NXN: variants seen among roughly 807,000 people sequenced by gnomAD.
The protein encoded by NXN is nucleoredoxin, also known as nucleoredoxin 1.
NXN carries 16 observed loss-of-function variants against 48.6 expected under a neutral mutation model. The ratio of observed to expected loss-of-function variants is 0.33; its 90% CI spans 0.22 to 0.50. The LOEUF (loss-of-function observed/expected upper bound fraction) is 0.50, where lower values mean the gene tolerates loss of function less well. Ranked by LOEUF, NXN falls within the 20% of genes least tolerant of loss-of-function variation. NXN has a pLI of 0.98. For synonymous variants in NXN, 281 were observed against 269.6 expected (o/e 1.04, Z -0.41); for missense variants, 492 against 605.5 (o/e 0.81, Z 1.97).
At chr17:884,776 C>T (rs1053623196) in intron 1 of NXN, among the ~76,000 whole-genome samples, 3 of 152,180 alleles carry the variant, frequency 2.0e-5, no homozygotes, top group African/African-American at 4.8e-5. Context: ...ATAAGCTAAA[C>T]GGAGCTGAAG....
intron 5 of NXN, among the ~76,000 whole-genome samples, chr17:808,487 G>A (rs1488810383): frequency 2.0e-5 from 3 of 151,856 alleles, no homozygotes. Context: ...TAGAAACGGG[G>A]TTTCCCCATG....
chr17:950,941 TCTTGA>T (rs1357366806), intron 1 of NXN, among the ~76,000 whole-genome samples: 3 of 72,608 alleles, frequency 4.1e-5, no homozygotes, highest in African/African-American at 7.4e-5. Context: ...TGCTGTCAAC[TCTTGA>T]CTTTCTGGAA....
chr17:955,698 C>T (rs2069159627), intron 1 of NXN, among the ~76,000 whole-genome samples: 1 of 151,110 alleles, frequency 6.6e-6, no homozygotes, highest in African/African-American at 2.4e-5. Flanking sequence ...AGATTGAGAC[C>T]ATCCTGGCTA....
Position 809,881 on chromosome 17 carries a change from C to T in NXN, c.821-4634G>A, listed in dbSNP as rs113162527. 3.3e-5 allele frequency among the ~76,000 whole-genome samples: 5 copies of T among 150,736 alleles called. 1 individual carries two copies. The highest frequency in any genetic ancestry group is 7.4e-5 in the Non-Finnish European group (5 of 67,610). ...GCACCTTACGAGTCAGTGTGAGTGG[C>T]GTGTACGTTAAGAGTCCCTGTGAGT... On this transcript the variant is annotated intron_variant, in intron 5 of 7. Coordinates refer to ENST00000336868, the MANE Select transcript of NXN (RefSeq NM_022463.5).
intron 1 of NXN, among the ~76,000 whole-genome samples, chr17:944,436 A>C (rs1407643131): frequency 6.6e-6 from 1 of 152,148 alleles, no homozygotes; most frequent in African/African-American, 2.4e-5. Flanking sequence ...ACTGCCTCCA[A>C]CTGGAGCTGT....
intron 1 of NXN, among the ~76,000 whole-genome samples, chr17:953,570 G>A (rs2069135994): frequency 6.6e-6 from 1 of 152,170 alleles, no homozygotes; most frequent in Non-Finnish European, 1.5e-5. Context: ...GGATTCTCCA[G>A]CCAGGCCCAA....
chr17:914,987 T>A (rs951764836), intron 1 of NXN, among the ~76,000 whole-genome samples: 1 of 151,698 alleles, frequency 6.6e-6, no homozygotes, highest in Non-Finnish European at 1.5e-5. Context: ...CAGGCTGGAG[T>A]GCAGTGGTGC....
At chr17:944,416 C>G (rs1597263038) in intron 1 of NXN, among the ~76,000 whole-genome samples, 1 of 152,208 alleles carries the variant, frequency 6.6e-6, no homozygotes, top group Non-Finnish European at 1.5e-5. Context: ...GTCCGTACCC[C>G]CGTCCGAGGA....
chr17:936,059 T>C (rs1289943870), intron 1 of NXN, among the ~76,000 whole-genome samples: 1 of 130,014 alleles, frequency 7.7e-6, no homozygotes, highest in Non-Finnish European at 1.5e-5. Context: ...GCCACTGCAC[T>C]CCAGCCTGGG....
At chr17:811,133 G>A (rs1401406546) in intron 5 of NXN, among the ~76,000 whole-genome samples, 1 of 152,212 alleles carries the variant, frequency 6.6e-6, no homozygotes, top group Non-Finnish European at 1.5e-5. Flanking sequence ...AGAGCGGGAG[G>A]AGGTGGCACA....
chr17:954,046 A>T (rs2069140877), intron 1 of NXN, among the ~76,000 whole-genome samples: 1 of 152,218 alleles, frequency 6.6e-6, no homozygotes, highest in Admixed American at 6.5e-5. Context: ...ACTTGAAAGC[A>T]CACCAAGATG....
chr17:935,333 T>C (rs965937283), intron 1 of NXN, among the ~76,000 whole-genome samples: 2 of 152,090 alleles, frequency 1.3e-5, no homozygotes, highest in African/African-American at 4.8e-5. Context: ...TCTGCTCCAA[T>C]TCCTTCGTAT....
chr17:943,850 G>C (rs2069011091), intron 1 of NXN, among the ~76,000 whole-genome samples: 1 of 151,072 alleles, frequency 6.6e-6, no homozygotes, highest in Non-Finnish European at 1.5e-5. Flanking sequence ...AAATGGTGAA[G>C]ACAGTAAATT....
intron 1 of NXN, among the ~76,000 whole-genome samples, chr17:940,093 C>T (rs1294402744): frequency 6.6e-6 from 1 of 151,894 alleles, no homozygotes; most frequent in Non-Finnish European, 1.5e-5. Context: ...GCCACCACGC[C>T]AGCTAACTAA....
rs1030827722 is a variant in NXN at position 917,959 on chromosome 17, G to A, written c.360+61360C>T. On this transcript the variant is annotated intron_variant, in intron 1 of 7. Transcript: ENST00000336868. This position sits in a 1 kb window ranked among gnomAD's most constrained non-coding sequence, Gnocchi z 4.5. The stretch of plus-strand genomic sequence containing the variant: ...TAATAATAAAATGTTTACTGAGCTC[G>A]TACTTTATGGAAGACACATGGCTCA... 5.3e-5 allele frequency among the ~76,000 whole-genome samples: 8 copies of A among 152,158 alleles called. No homozygotes were observed. Among genetic ancestry groups the A allele is most frequent in the Non-Finnish European group, 8.8e-5 (6 of 68,028 alleles).
intron 1 of NXN, among the ~76,000 whole-genome samples, chr17:851,374 T>G (rs1567833222): frequency 1.3e-5 from 2 of 152,220 alleles, no homozygotes; most frequent in African/African-American, 2.4e-5. Flanking sequence ...GAGAAGATGC[T>G]TAGAAGGCAT....
chr17:973,464 T>C (rs2069416198), intron 1 of NXN, among the ~76,000 whole-genome samples: 1 of 152,236 alleles, frequency 6.6e-6, no homozygotes, highest in Admixed American at 6.5e-5. Flanking sequence ...CTGATCATCT[T>C]TAAGTTACAA....
intron 1 of NXN, among the ~76,000 whole-genome samples, chr17:915,411 G>T (rs771927135): frequency 3.9e-5 from 6 of 152,116 alleles, no homozygotes; most frequent in African/African-American, 1.4e-4. Flanking sequence ...CGCCTCCCAA[G>T]TAGCTGGGAC....
At chr17:942,705 C>T (rs868665289) in intron 1 of NXN, among the ~76,000 whole-genome samples, 4 of 111,456 alleles carry the variant, frequency 3.6e-5, no homozygotes, top group African/African-American at 1.6e-4. Context: ...CATGAACTCA[C>T]ATCACACCTT....
Sources: gnomAD v4.1 joint callset for allele counts (sites outside exome capture counted in the v4.1 genomes callset) on GRCh38, gnomAD v4.1.1 for gene constraint, Gnocchi (gnomAD v3.1) non-coding constraint, MANE v1.5 for transcripts, NCBI Gene and HGNC (gene_info 2026-07-23, HGNC 2026-07-21) for gene names.